Variants in BBS9 observed in about 807,000 individuals in gnomAD.
BBS9 encodes the protein Bardet-Biedl syndrome 9, also known as protein PTHB1.
A neutral mutation model predicts 117.7 loss-of-function variants in BBS9; 89 were observed. The ratio of observed to expected loss-of-function variants is 0.76; its 90% CI spans 0.64 to 0.90. The LOEUF (loss-of-function observed/expected upper bound fraction) is 0.90. Ranked by LOEUF, BBS9 falls within the 40% of genes least tolerant of loss-of-function variation. The probability of loss-of-function intolerance (pLI) is 0.00; values close to 1 mark genes in which losing one functional copy is unlikely to be tolerated. For synonymous variants in BBS9, 379 were observed against 370.9 expected, an observed-to-expected ratio of 1.02 and a Z score of -0.25; for missense variants, 982 against 1,042.2, an observed-to-expected ratio of 0.94 and a Z score of 0.80.
Position 33,252,873 on chromosome 7 carries a change from T to A in BBS9, c.443-4363T>A, listed in dbSNP as rs151267596. On this transcript the variant is annotated intron_variant, in intron 5 of 22. Coordinates refer to ENST00000242067, the MANE Select transcript of BBS9 (RefSeq NM_198428.3). The stretch of plus-strand genomic sequence containing the variant: ...ATATTTAGACTTAATTTTTTTATAT[T>A]TTTGTTGTGAAAAAGTATATAGAAA... 2.6e-4 allele frequency among the ~76,000 whole-genome samples: 39 copies of A among 152,234 alleles called. No homozygotes were observed. The East Asian group carries it at 7.5e-3, about 29-fold the overall frequency.
intron 19 of BBS9, among the ~76,000 whole-genome samples, chr7:33,411,660 G>A (rs560532041): frequency 6.6e-6 from 1 of 152,050 alleles, no homozygotes; most frequent in Non-Finnish European, 1.5e-5. Flanking sequence ...AGTCTTAAAA[G>A]TGTTATTCAG....
chr7:33,400,397 G>GATTTCTTTC (rs1361034411), intron 19 of BBS9, among the ~76,000 whole-genome samples: 1 of 152,070 alleles, frequency 6.6e-6, no homozygotes, highest in East Asian at 1.9e-4. Context: ...ATTGTATGAG[G>GATTTCTTTC]ATTTCTTTCA....
At chr7:33,263,367 A>G (rs781730969) in intron 6 of BBS9, among the ~76,000 whole-genome samples, 23 of 152,102 alleles carry the variant, frequency 1.5e-4, no homozygotes, top group Admixed American at 2.0e-4. Flanking sequence ...GTCTTAGAAA[A>G]TGTGAGTTTT....
At chr7:33,163,821 T>G (rs1483916460) in intron 4 of BBS9, among the ~76,000 whole-genome samples, 1 of 152,188 alleles carries the variant, frequency 6.6e-6, no homozygotes, top group African/African-American at 2.4e-5. Context: ...TTTTTGTGTC[T>G]CTATTTCCTT....
chr7:33,617,089 AT>A (rs1299691057), intron 21 of BBS9, among the ~76,000 whole-genome samples: 1 of 152,058 alleles, frequency 6.6e-6, no homozygotes, highest in Non-Finnish European at 1.5e-5. Flanking sequence ...GTATATATAA[AT>A]ATACTATATT....
At chr7:33,257,500 A>G (rs1797277735) in intron 6 of BBS9, 90 bp downstream of exon 6, 2 of 1,128,730 alleles carry the variant, frequency 1.8e-6, no homozygotes, top group Non-Finnish European at 2.7e-6. Context: ...TCAATATCAC[A>G]AATGAAAAAG....
intron 9 of BBS9, among the ~76,000 whole-genome samples, chr7:33,279,797 A>G (rs749787398): frequency 1.3e-5 from 2 of 152,188 alleles, no homozygotes; most frequent in Non-Finnish European, 2.9e-5. Context: ...GGGAAAATGA[A>G]ATCAATACAC....
intron 19 of BBS9, chr7:33,390,181 C>T: frequency 2.2e-6 from 2 of 909,750 alleles, no homozygotes; most frequent in Non-Finnish European, 2.6e-6. Flanking sequence ...GCCTGCCATA[C>T]TTGAGGCTGA....
At chr7:33,449,072 G>A (rs1837400116) in intron 19 of BBS9, among the ~76,000 whole-genome samples, 1 of 152,196 alleles carries the variant, frequency 6.6e-6, no homozygotes, top group South Asian at 2.1e-4. Flanking sequence ...TTCACTGCCT[G>A]TCAATAAATA....
At chr7:33,241,948 T>C (rs1018227397) in intron 5 of BBS9, among the ~76,000 whole-genome samples, 3 of 152,154 alleles carry the variant, frequency 2.0e-5, no homozygotes, top group African/African-American at 7.2e-5. Context: ...TTCTTGGTCA[T>C]GTTACCTTCA....
intron 21 of BBS9, among the ~76,000 whole-genome samples, chr7:33,631,200 G>A (rs1484602515): frequency 3.9e-5 from 6 of 152,206 alleles, no homozygotes; most frequent in Non-Finnish European, 8.8e-5. Context: ...CTGGTCCACA[G>A]AGAGGAGAGA....
At chr7:33,302,857 G>T (rs1363733251) in intron 9 of BBS9, among the ~76,000 whole-genome samples, 1 of 152,124 alleles carries the variant, frequency 6.6e-6, no homozygotes, top group Non-Finnish European at 1.5e-5. Context: ...TGAATGTCTA[G>T]ATTGCTTTGG....
At chr7:33,208,670 G>A (rs1283663683) in intron 5 of BBS9, among the ~76,000 whole-genome samples, 1 of 152,144 alleles carries the variant, frequency 6.6e-6, no homozygotes, top group Non-Finnish European at 1.5e-5. Context: ...TTCTACATAT[G>A]GTGAAGGCAG....
chr7:33,272,588 A>G (rs138662664), intron 7 of BBS9, among the ~76,000 whole-genome samples: 29 of 152,270 alleles, frequency 1.9e-4, no homozygotes, highest in African/African-American at 5.3e-4. Flanking sequence ...ATATTCTGCT[A>G]TACTCTCTAG....
At chr7:33,136,670 C>G (rs1790513062) in intron 1 of BBS9, among the ~76,000 whole-genome samples, 1 of 152,182 alleles carries the variant, frequency 6.6e-6, no homozygotes, top group South Asian at 2.1e-4. Flanking sequence ...ATTCCTCAGG[C>G]AACACCATTT....
At chr7:33,534,353 A>G in intron 21 of BBS9, 177 bp downstream of exon 21, 1 of 685,848 alleles carries the variant, frequency 1.5e-6, no homozygotes, top group Non-Finnish European at 2.6e-6. Flanking sequence ...TATCCCTGAG[A>G]TATTTGCTTG....
At chr7:33,417,638 G>T (rs1046072907) in intron 19 of BBS9, among the ~76,000 whole-genome samples, 26 of 152,220 alleles carry the variant, frequency 1.7e-4, no homozygotes, top group African/African-American at 6.3e-4. Context: ...AGTGGAGTCT[G>T]TTAAGATCAT....
chr7:33,475,930 G>A (rs1156490616), intron 19 of BBS9, among the ~76,000 whole-genome samples: 2 of 152,118 alleles, frequency 1.3e-5, no homozygotes, highest in East Asian at 3.9e-4. Flanking sequence ...AACATTTTCT[G>A]AGACTAGAAT....
chr7:33,209,114 C>T (rs1258346108), intron 5 of BBS9, among the ~76,000 whole-genome samples: 4 of 152,090 alleles, frequency 2.6e-5, no homozygotes, highest in Non-Finnish European at 4.4e-5. Context: ...CCTTCTCAGA[C>T]TTTGGTAATC....
Sources: gnomAD v4.1 joint callset for allele counts (sites outside exome capture counted in the v4.1 genomes callset) on GRCh38, gnomAD v4.1.1 for gene constraint, MANE v1.5 for transcripts, NCBI Gene and HGNC (gene_info 2026-07-23, HGNC 2026-07-21) for gene names.